The following MUC5B variants were observed in gnomAD, a reference collection of about 807,000 sequenced individuals.
MUC5B encodes mucin 5B, oligomeric mucus/gel-forming, also known as mucin-5B.
Under a neutral mutation model 376.9 loss-of-function variants are expected in MUC5B, and 116 were observed. The ratio of observed to expected loss-of-function variants is 0.31; its 90% CI spans 0.26 to 0.36. The LOEUF (loss-of-function observed/expected upper bound fraction) is 0.36, where lower values mean the gene tolerates loss of function less well. Ranked by LOEUF, MUC5B falls within the 10% of genes least tolerant of loss-of-function variation. MUC5B has a pLI of 1.00. For synonymous variants in MUC5B, 3,517 were observed against 3,390.9 expected, an observed-to-expected ratio of 1.04 and a Z score of -1.29; for missense variants, 7,165 against 7,769.9, an observed-to-expected ratio of 0.92 and a Z score of 2.93.
At chr11:1,232,335 G>A in intron 15 of MUC5B, 115 bp from the exon 16 acceptor site, 4 of 1,367,344 alleles carry the variant, frequency 2.9e-6, no homozygotes, top group Non-Finnish European at 3.0e-6. Context: ...AGGCGCAGCA[G>A]GTGAGCCGCA....
rs1423857535 is a variant in MUC5B, at chr11:1,251,267, C to G, written c.14387C>G (p.Thr4796Arg). 1.9e-6 allele frequency: 3 copies of G among 1,611,552 alleles called. No individual in the cohort carries two copies. The highest frequency in any genetic ancestry group is 1.7e-6 in the Non-Finnish European group (2 of 1,178,360). The change falls in exon 31 of 49, where the codon ACA (threonine) becomes AGA (arginine). Residue 4796 changes from threonine (T) to arginine (R), a missense_variant. By Grantham distance (71) the Thr-to-Arg change is moderately conservative. This residue lies in a region of MUC5B where 730 missense variants were observed against 592.7 expected (regional missense o/e 1.23). Coordinates refer to ENST00000529681, the MANE Select transcript of MUC5B (RefSeq NM_002458.3). Reference protein sequence around the residue: ...TTHTSTVLTTTATMTRATNST... With the variant: ...TTHTSTVLTTRATMTRATNST... ...CACACCTCCACAGTGCTGACCACCA[C>G]AGCCACCATGACAAGGGCCACCAAT...
rs1862238225 is a variant in MUC5B at position 1,239,869 on chromosome 11, T to C, written c.3654T>C (p.Cys1218=). ...ACCAGATGAAGTGCGTGGCCCAGTG[T>C]GGCTGCTACGACAAGGACGGAAACT... The part of the protein sequence containing the change: ...NEDQMKCVAQ[C]GCYDKDGNYY... The change falls in exon 28 of 49, where the codon TGT becomes TGC. Residue 1218 remains cysteine, a synonymous_variant. Transcript: ENST00000529681. The C allele has an allele frequency of 6.2e-7, 1 of 1,612,992 alleles. No homozygotes were observed. The highest frequency in any genetic ancestry group is 1.3e-5 in the African/African-American group (1 of 74,900).
At position 1,240,912 on chromosome 11, in the gene MUC5B, C is replaced by A. The variant is rs778398984; in HGVS notation, c.4032C>A (p.Tyr1344Ter). The A allele has an allele frequency of 1.2e-6, 2 of 1,612,862 alleles. No individual in the cohort carries two copies. Among genetic ancestry groups the A allele is most frequent in the Admixed American group, 1.7e-5 (1 of 60,014 alleles). Residue 1344 changes from tyrosine (Y) to a stop codon, truncating the protein, a stop_gained, in exon 31 of 49, where the codon TAC (tyrosine) becomes TAA (stop). Transcript: ENST00000529681. LOFTEE classifies it high-confidence loss of function. ...VREVCRWSSW[Y>*]NGHRPEPGLG... Reference sequence around the variant, plus strand: ...AGGTCTGCCGCTGGTCCAGCTGGTACAATGGGCACCGCCCAGAGCCCGGCC... The same window carrying A: ...AGGTCTGCCGCTGGTCCAGCTGGTAAAATGGGCACCGCCCAGAGCCCGGCC...
intron 13 of MUC5B, 143 bp downstream of exon 13, chr11:1,231,148 G>T (rs1050911792): frequency 1.1e-6 from 1 of 922,068 alleles, no homozygotes; most frequent in South Asian, 1.8e-5. Flanking sequence ...TCGGTTTCTC[G>T]TCTGCAGAGT....
In MUC5B at chr11:1,243,572, C is replaced by A. The variant is rs748147384; in HGVS notation, c.6692C>A (p.Ser2231Tyr). 8.1e-6 allele frequency: 13 copies of A among 1,608,610 alleles called. No homozygotes were observed. The highest frequency in any genetic ancestry group is 1.0e-5 in the Non-Finnish European group (12 of 1,178,458). Residue 2231 changes from serine (S) to tyrosine (Y), a missense_variant, in exon 31 of 49, where the codon TCC (serine) becomes TAC (tyrosine). Transcript: ENST00000529681. ...ILGTTHITEPSTVTSHTLAAT... is the reference protein window; with the variant it reads ...ILGTTHITEPYTVTSHTLAAT... ...GGCACCACCCACATCACAGAGCCTT[C>A]CACGGTGACTTCCCACACCCTAGCA...
intron 38 of MUC5B, among the ~76,000 whole-genome samples, chr11:1,256,452 C>G (rs1469828833): frequency 2.7e-5 from 4 of 150,084 alleles, no homozygotes; most frequent in Non-Finnish European, 6.0e-5. Context: ...CCCACCTGGC[C>G]CCGCCACCGA....
At chr11:1,226,591 G>T in intron 3 of MUC5B, 24 bp from the exon 4 acceptor site, 13 of 1,595,236 alleles carry the variant, frequency 8.1e-6, no homozygotes, top group Non-Finnish European at 1.0e-5. Flanking sequence ...CATGGGGATG[G>T]GCCTCATCCC....
intron 47 of MUC5B, 88 bp from the exon 48 acceptor site, chr11:1,260,538 T>G (rs1590194441): frequency 6.9e-7 from 1 of 1,441,126 alleles, no homozygotes; most frequent in Non-Finnish European, 9.7e-7. Flanking sequence ...ATGGGAGGGG[T>G]GGTCCCATGG....
intron 46 of MUC5B, 92 bp from the exon 47 acceptor site, chr11:1,260,259 T>C (rs1208386463): frequency 6.3e-6 from 7 of 1,106,600 alleles, no homozygotes; most frequent in Admixed American, 4.2e-5. Flanking sequence ...CGGGAGGCCA[T>C]GCCCCTGCCC....
rs1404972294 is a variant in MUC5B, at chr11:1,247,092, C to A, written c.10212C>A (p.Thr3404=). Residue 3404 remains threonine, a synonymous_variant, in exon 31 of 49, where the codon ACC becomes ACA. Transcript: ENST00000529681. The part of the protein sequence containing the change: ...ATTITATGST[T]NPSSTPGTTP... ...CGATCACAGCCACCGGCTCCACCAC[C>A]AACCCCTCCTCAACTCCAGGGACAA... The A allele has an allele frequency of 3.2e-6, 5 of 1,562,994 alleles. No individual in the cohort carries two copies. The Admixed American group carries it at 9.7e-5, about 30-fold the overall frequency.
At position 1,227,297 on chromosome 11, in the gene MUC5B, C is replaced by T; in HGVS notation, c.577-11C>T. On this transcript the variant is annotated splice_polypyrimidine_tract_variant and intron_variant, in intron 5 of 48. Coordinates refer to ENST00000529681, the MANE Select transcript of MUC5B (RefSeq NM_002458.3). ...GGTCCTGAGGCTGGAGCTGCCCCTC[C>T]CCACTCTCAGCTGGAGCTGGATCCC... 1.2e-6 allele frequency: 2 copies of T among 1,609,880 alleles called. No individual in the cohort carries two copies. The highest frequency in any genetic ancestry group is 1.7e-6 in the Non-Finnish European group (2 of 1,177,462).
At chr11:1,230,903 C>G in intron 12 of MUC5B, 33 bp from the exon 13 acceptor site, 2 of 1,560,596 alleles carry the variant, frequency 1.3e-6, no homozygotes, top group Non-Finnish European at 1.7e-6. Flanking sequence ...GGTTCCTCCC[C>G]AGAGCTGACC....
In MUC5B at chr11:1,247,142, C is replaced by G. The variant is rs1220078392; in HGVS notation, c.10262C>G (p.Thr3421Ser). The G allele has an allele frequency of 3.3e-6, 5 of 1,534,654 alleles. No homozygotes were observed. The highest frequency in any genetic ancestry group is 4.4e-6 in the Non-Finnish European group (5 of 1,126,594). Residue 3421 changes from threonine (T) to serine (S), a missense_variant, in exon 31 of 49, where the codon ACC becomes AGC. By Grantham distance (58) the Thr-to-Ser change is moderately conservative. Transcript: ENST00000529681. ...GTTPIPPVLT[T>S]TATTPAATSS... ...ACTCCCATCCCCCCAGTGCTGACCA[C>G]CACCGCCACCACACCTGCAGCCACC...
chr11:1,228,549 C>A lies in MUC5B; in HGVS notation c.775-15C>A. 1 of 1,504,454 alleles carries A rather than the reference C, an allele frequency of 6.6e-7. No homozygotes were observed. 93.2% of individuals were successfully genotyped at this position (1,504,454 alleles called of 1,614,324 possible). ...GATGGCAGGGGTGCCCAGCCTGGCC[C>A]ACTGTGCTCCCCAGGAGGGCATCTG... is the stretch of plus-strand genomic sequence containing the variant. On this transcript the variant is annotated splice_polypyrimidine_tract_variant and intron_variant, in intron 7 of 48. Transcript: ENST00000529681.
At position 1,257,671 on chromosome 11, in the gene MUC5B, C is replaced by T. The variant is rs938839367; in HGVS notation, c.16411C>T (p.Pro5471Ser). Residue 5471 changes from proline to serine, a missense_variant, in exon 41 of 49, where the codon CCC (proline) becomes TCC (serine). By Grantham distance (74) the Pro-to-Ser change is moderately conservative. Around this residue, in one of 31 missense-constraint regions of MUC5B, gnomAD observed 842 missense variants for 1,016.9 expected, o/e 0.83. Transcript: ENST00000529681. The surrounding 1 kb of genome is among the most constrained non-coding windows in gnomAD (Gnocchi z 8.9). ...TCCCGGCTTCGTAACCGTGACCAGG[C>T]CCCGGGCCGAGAACCCCTGCTGCCC... ...NRPGFVTVTR[P>S]RAENPCCPET... 2 of 1,578,466 alleles carry T rather than the reference C, an allele frequency of 1.3e-6. No homozygotes were observed. Among genetic ancestry groups the T allele is most frequent in the Non-Finnish European group, 1.7e-6 (2 of 1,169,696 alleles).
rs2133853645 is a variant in MUC5B, at chr11:1,258,125, A to G, written c.16477A>G (p.Ser5493Gly). 6.3e-7 allele frequency: 1 copy of G among 1,594,618 alleles called. No homozygotes were observed. The highest frequency in any genetic ancestry group is 8.5e-7 in the Non-Finnish European group (1 of 1,172,964). Residue 5493 changes from serine to glycine, a missense_variant, in exon 42 of 49, where the codon AGC becomes GGC. Transcript: ENST00000529681. The surrounding 1 kb of genome is among the most constrained non-coding windows in gnomAD (Gnocchi z 5.5). ...GTGCAACACAACCACCTGCCCCCAG[A>G]GCCTGCCTGTGTGCCCGCCAGGGCA... is the stretch of plus-strand genomic sequence containing the variant. ...CVCNTTTCPQ[S>G]LPVCPPGQES...
At chr11:1,260,240 GC>G (rs1390327811) in intron 46 of MUC5B, 110 bp from the exon 47 acceptor site, 3 of 937,346 alleles carry the variant, frequency 3.2e-6, no homozygotes, top group African/African-American at 1.8e-5. Flanking sequence ...GGGAGGCCCC[GC>G]CCCTGCCCGG....
At chr11:1,233,953 G>A (rs909265565) in intron 19 of MUC5B, 105 bp downstream of exon 19, 7 of 1,193,232 alleles carry the variant, frequency 5.9e-6, no homozygotes, top group East Asian at 2.7e-5. Context: ...GAACCCTGCC[G>A]GGCCAGGTCA....
At position 1,240,374 on chromosome 11, in the gene MUC5B, A is replaced by C. The variant is rs1407776986; in HGVS notation, c.3969A>C (p.Thr1323=). 1 of 1,591,990 alleles carries C rather than the reference A, an allele frequency of 6.3e-7. No individual in the cohort carries two copies. The highest frequency in any genetic ancestry group is 1.1e-5 in the South Asian group (1 of 88,420). ...CCGCCTGGGTCCCCCACTCCACGAC[A>C]AGTAAGCCCTGCCTGGCTCTCCTGA... ...FTTAWVPHST[T]SPALPVSTVC... is the part of the protein sequence containing the mutation. The change falls in exon 30 of 49, where the codon ACA becomes ACC. Residue 1323 remains threonine, a splice_region_variant and synonymous_variant. Transcript: ENST00000529681.
Sources: allele counts gnomAD v4.1 joint callset (sites outside exome capture counted in the v4.1 genomes callset), GRCh38; gene constraint gnomAD v4.1.1; regional missense constraint gnomAD v4.1.1; non-coding constraint Gnocchi (gnomAD v3.1); transcripts MANE v1.5; gene names NCBI Gene and HGNC (gene_info 2026-07-23, HGNC 2026-07-21).